Variants in USP9X observed in about 807,000 individuals in gnomAD.
The protein encoded by USP9X is ubiquitin specific peptidase 9 X-linked.
USP9X carries 7 observed loss-of-function variants against 190.3 expected under a neutral mutation model. The observed-to-expected ratio is 0.04, with a 90% CI of 0.02 to 0.07. The LOEUF (loss-of-function observed/expected upper bound fraction) is 0.07. USP9X is among the 10% of genes least tolerant of loss of function. The pLI, the probability that USP9X is intolerant of heterozygous loss-of-function variation, is 1.00. For synonymous variants in USP9X, 645 were observed against 659.5 expected, an observed-to-expected ratio of 0.98 and a Z score of 0.34; for missense variants, 1,010 against 1,916.9, an observed-to-expected ratio of 0.53 and a Z score of 8.83.
At chrX:41,100,110 G>A (rs2062023973) in intron 1 of USP9X, among the ~76,000 whole-genome samples, 1 of 111,604 alleles carries the variant, frequency 9.0e-6, no homozygotes, top group African/African-American at 3.3e-5. Context: ...TTCTAATTTA[G>A]ATGTTTTTTT....
At chrX:41,103,614 ATTTATT>A (rs1292295011) in intron 1 of USP9X, among the ~76,000 whole-genome samples, 4 of 112,468 alleles carry the variant, frequency 3.6e-5, no homozygotes, top group African/African-American at 1.3e-4. Flanking sequence ...CCATTTATAA[ATTTATT>A]TTAGTTTTAG....
At chrX:41,186,417 G>A in intron 23 of USP9X, 100 bp from the exon 24 acceptor site, 1 of 979,944 alleles carries the variant, frequency 1.0e-6, no homozygotes, top group Non-Finnish European at 1.4e-6. Context: ...TATATGCAAG[G>A]AAGTCGTTCT....
chrX:41,168,785 A>G (rs1322932755), intron 18 of USP9X, among the ~76,000 whole-genome samples: 1 of 111,530 alleles, frequency 9.0e-6, no homozygotes, highest in African/African-American at 3.3e-5. Context: ...CGTGAGCTAC[A>G]GTGCCTGGCC....
At chrX:41,219,039 A>G in intron 37 of USP9X, 63 bp from the exon 38 acceptor site, 2 of 1,102,168 alleles carry the variant, frequency 1.8e-6, no homozygotes, top group Non-Finnish European at 2.4e-6. Flanking sequence ...TGTCCTTTTT[A>G]TGCAAGTAGA....
intron 37 of USP9X, 138 bp from the exon 38 acceptor site, chrX:41,218,964 G>A (rs973267867): frequency 1.6e-6 from 1 of 619,834 alleles, no homozygotes; most frequent in Non-Finnish European, 2.3e-6. Context: ...TTCCCAAGAA[G>A]CAAAATAGTT....
At chrX:41,125,970 C>G (rs1315023718) in intron 2 of USP9X, among the ~76,000 whole-genome samples, 2 of 111,343 alleles carry the variant, frequency 1.8e-5, no homozygotes, top group African/African-American at 6.5e-5. Context: ...TAAATGATCA[C>G]AAACATGCTG....
intron 15 of USP9X, among the ~76,000 whole-genome samples, chrX:41,163,993 C>G (rs917360756): frequency 9.0e-6 from 1 of 111,079 alleles, no homozygotes; most frequent in Non-Finnish European, 1.9e-5. Flanking sequence ...CTGCCTCAGC[C>G]TCCCAAGTAA....
intron 6 of USP9X, among the ~76,000 whole-genome samples, chrX:41,138,204 G>A (rs1014013370): frequency 9.0e-6 from 1 of 111,565 alleles, no homozygotes; most frequent in South Asian, 3.7e-4. Context: ...CAGCTAAACA[G>A]GTCTTCTATA....
intron 5 of USP9X, among the ~76,000 whole-genome samples, chrX:41,135,325 A>G (rs1478193388): frequency 9.0e-6 from 1 of 111,161 alleles, no homozygotes; most frequent in Non-Finnish European, 1.9e-5. Flanking sequence ...TTAAAAAAAA[A>G]AGTGAAAATC....
At chrX:41,230,277 C>A (rs775315108) in intron 43 of USP9X, among the ~76,000 whole-genome samples, 14 of 109,944 alleles carry the variant, frequency 1.3e-4, no homozygotes, top group Non-Finnish European at 2.3e-4. Context: ...GGAGAAATTT[C>A]TGTGAAATTG....
At chrX:41,181,740 C>T (rs929653564) in intron 21 of USP9X, among the ~76,000 whole-genome samples, 1 of 110,246 alleles carries the variant, frequency 9.1e-6, no homozygotes, top group African/African-American at 3.3e-5. Flanking sequence ...TGAGCCACTG[C>T]GCCCGGCCCA....
rs1390702567 is a variant in USP9X, at chrX:41,204,025, G to A, written c.4825-1278G>A. The stretch of plus-strand genomic sequence containing the variant: ...ATTTTTTGAGGAACTGTTTTCTAGA[G>A]TGACTGCACCATTTTACATTCCTAC... On this transcript the variant is annotated intron_variant, in intron 31 of 44. Transcript: ENST00000378308. Among the ~76,000 whole-genome samples the A allele has an allele frequency of 5.4e-5, 6 of 111,672 alleles. No individual in the cohort carries two copies. In the East Asian group the frequency reaches 1.7e-3, roughly 31 times the overall value.
intron 32 of USP9X, among the ~76,000 whole-genome samples, chrX:41,209,744 TATA>T (rs1472261756): frequency 4.4e-5 from 5 of 112,453 alleles, no homozygotes; most frequent in African/African-American, 1.6e-4. Flanking sequence ...TTGTGTAAAA[TATA>T]ATAGAGATCA....
In USP9X at chrX:41,232,694, C is replaced by A; in HGVS notation, c.*170C>A. 1 of 580,720 alleles carries A rather than the reference C, an allele frequency of 1.7e-6. No homozygotes were observed. Among genetic ancestry groups the A allele is most frequent in the Non-Finnish European group, 2.6e-6 (1 of 384,385 alleles). The allele number at this position is 580,720 out of a possible 1,213,427, so 47.9% of individuals were successfully genotyped here. A position where few individuals can be genotyped will look rare whatever the true frequency, so the allele number is the denominator to read the frequency against. ...AGAAATTTGCTGTCAATATATAACC[C>A]GCCTGCAGTGGAAAGTGTATAGTGT... is the stretch of plus-strand genomic sequence containing the variant. On this transcript the variant is annotated 3_prime_UTR_variant, in exon 45 of 45. Coordinates refer to ENST00000378308, the MANE Select transcript of USP9X (RefSeq NM_001039591.3).
chrX:41,158,052 A>G (rs1163182507), intron 14 of USP9X, among the ~76,000 whole-genome samples: 1 of 111,652 alleles, frequency 9.0e-6, no homozygotes, highest in Non-Finnish European at 1.9e-5. Flanking sequence ...AGAATGAATC[A>G]GTGAACCTGA....
chrX:41,128,655 A>G (rs1009854801), intron 2 of USP9X, among the ~76,000 whole-genome samples: 1 of 112,068 alleles, frequency 8.9e-6, no homozygotes, highest in Non-Finnish European at 1.9e-5. Flanking sequence ...ATGGTTTAGT[A>G]TTTGAATATA....
At chrX:41,087,382 A>G (rs186750760) in intron 1 of USP9X, among the ~76,000 whole-genome samples, 1 of 112,349 alleles carries the variant, frequency 8.9e-6, no homozygotes, top group African/African-American at 3.2e-5. Context: ...CTTAACCATG[A>G]CTAGCTTGGC....
chrX:41,197,858 A>AG (rs781115861), intron 29 of USP9X, among the ~76,000 whole-genome samples: 1 of 109,494 alleles, frequency 9.1e-6, no homozygotes, highest in South Asian at 4.0e-4. Flanking sequence ...AAAAGAAAAA[A>AG]AAAAAATTGC....
intron 33 of USP9X, among the ~76,000 whole-genome samples, chrX:41,213,807 T>C (rs1466045131): frequency 8.9e-6 from 1 of 112,452 alleles, no homozygotes; most frequent in Admixed American, 9.4e-5. Context: ...TCCATTCATA[T>C]AATTTATAAA....
Sources: gnomAD v4.1 joint callset for allele counts (sites outside exome capture counted in the v4.1 genomes callset) on GRCh38, gnomAD v4.1.1 for gene constraint, MANE v1.5 for transcripts, NCBI Gene and HGNC (gene_info 2026-07-23, HGNC 2026-07-21) for gene names.